ANKRD26: variants seen among roughly 807,000 people sequenced by gnomAD.
ANKRD26 encodes the protein ankyrin repeat domain 26.
In ANKRD26, 141 loss-of-function variants were observed where a neutral mutation model predicts 208.7. The ratio of observed to expected loss-of-function variants is 0.68; its 90% CI spans 0.59 to 0.78. The LOEUF (loss-of-function observed/expected upper bound fraction) is 0.78, where lower values mean the gene tolerates loss of function less well. Ranked by LOEUF, ANKRD26 falls within the 30% of genes least tolerant of loss-of-function variation. The pLI, the probability that ANKRD26 is intolerant of heterozygous loss-of-function variation, is 0.00. For missense variants in ANKRD26, 1,889 were observed against 1,938.7 expected (o/e 0.97, Z 0.48); for synonymous variants, 636 against 660.4 (o/e 0.96, Z 0.57).
At chr10:26,997,493 G>C (rs2052619128) in intron 4 of ANKRD26, among the ~76,000 whole-genome samples, 1 of 152,152 alleles carries the variant, frequency 6.6e-6, no homozygotes, top group Non-Finnish European at 1.5e-5. Flanking sequence ...TCAGCCTAAA[G>C]CAGTCCCGTT....
chr10:27,079,656 T>G (rs542426422), intron 6 of ANKRD26, among the ~76,000 whole-genome samples: 16 of 151,864 alleles, frequency 1.1e-4, no homozygotes, highest in Admixed American at 6.6e-4. Context: ...GAGTTCGAGA[T>G]CAGCCTGGCC....
At chr10:26,971,545 C>T (rs1227822169), downstream of ANKRD26, among the ~76,000 whole-genome samples, 1 of 151,570 alleles carries the variant, frequency 6.6e-6, no homozygotes, top group East Asian at 1.9e-4. Context: ...TGTGGTGGCA[C>T]ATGCCTGTAA....
chr10:27,024,134 G>A (rs1013232051), intron 28 of ANKRD26, among the ~76,000 whole-genome samples: 6 of 152,140 alleles, frequency 3.9e-5, no homozygotes, highest in Middle Eastern at 3.2e-3. Context: ...CACTACCAAA[G>A]AGAGAAAGAT....
At chr10:27,027,049 G>C (rs937296494) in intron 27 of ANKRD26, among the ~76,000 whole-genome samples, 1 of 152,146 alleles carries the variant, frequency 6.6e-6, no homozygotes, top group African/African-American at 2.4e-5. Context: ...GCCTCCCAAA[G>C]TGCTGGGCAT....
chr10:27,005,411 T>G lies in ANKRD26; in HGVS notation c.*179A>C. 1 of 1,341,056 alleles carries G rather than the reference T, an allele frequency of 7.5e-7. No individual in the cohort carries two copies. Among genetic ancestry groups the G allele is most frequent in the Non-Finnish European group, 9.5e-7 (1 of 1,047,898 alleles). The allele number at this position is 1,341,056 out of a possible 1,614,324, so 83.1% of individuals were successfully genotyped here. A position where few individuals can be genotyped will look rare whatever the true frequency, so the allele number is the denominator to read the frequency against. On this transcript the variant is annotated 3_prime_UTR_variant, in exon 34 of 34. Coordinates refer to ENST00000376087, the MANE Select transcript of ANKRD26 (RefSeq NM_014915.3). ...AAAACTCAATATTCCTGGTTTTCAT[T>G]GGCAAAATCCACTTAAAAGTTAAAG...
At chr10:26,984,449 T>C (rs1169602904) in intron 3 of ANKRD26, among the ~76,000 whole-genome samples, 1 of 152,186 alleles carries the variant, frequency 6.6e-6, no homozygotes, top group African/African-American at 2.4e-5. Context: ...CCCCTAATTG[T>C]GCAGCACATG....
Position 27,060,370 on chromosome 10 carries a change from C to T in ANKRD26, c.1539G>A (p.Met513Ile), listed in dbSNP as rs565311134. 5 of 1,612,626 alleles carry T rather than the reference C, an allele frequency of 3.1e-6. No homozygotes were observed. Among genetic ancestry groups the T allele is most frequent in the Non-Finnish European group, 4.2e-6 (5 of 1,178,926 alleles). Residue 513 changes from methionine to isoleucine, a missense_variant, in exon 15 of 34, where the codon ATG becomes ATA. Coordinates refer to ENST00000376087, the MANE Select transcript of ANKRD26 (RefSeq NM_014915.3). ...CTGCTTTGGATGTTTGTACATCCTT[C>T]ATTCCTCCTGCTTTATTTGGAACAG... ...KDSVPNKAGG[M>I]KDVQTSKAAE... is the part of the protein sequence containing the mutation.
Position 27,035,816 on chromosome 10 carries a change from G to A in ANKRD26, c.2698-64C>T, listed in dbSNP as rs867767486. On this transcript the variant is annotated intron_variant, in intron 23 of 33. Transcript: ENST00000376087. ...AAAATGACAGATCATGATTTCCTCTGAAATTAAAGAATAAACTGTACATTT... is the reference window on the plus strand; with the variant it reads ...AAAATGACAGATCATGATTTCCTCTAAAATTAAAGAATAAACTGTACATTT... The A allele has an allele frequency of 8.0e-6, 9 of 1,127,704 alleles. No homozygotes were observed. The South Asian group carries it at 1.0e-4, about 13-fold the overall frequency. 69.9% of individuals were successfully genotyped at this position (1,127,704 alleles called of 1,614,324 possible).
chr10:27,090,289 T>C (rs34111633), intron 4 of ANKRD26, among the ~76,000 whole-genome samples: 19,547 of 151,754 alleles, frequency 0.13, 1,399 homozygotes, highest in East Asian at 0.29. Context: ...CTACTAAAAA[T>C]ACAAAAATTA....
At chr10:27,037,119 T>G in intron 23 of ANKRD26, 67 bp downstream of exon 23, 1 of 1,523,876 alleles carries the variant, frequency 6.6e-7, no homozygotes, top group Middle Eastern at 1.9e-4. Context: ...AGTTGGTTTT[T>G]AAAATATATA....
In ANKRD26 at chr10:27,077,495, A is replaced by C; in HGVS notation, c.920T>G (p.Phe307Cys). The change falls in exon 9 of 34, where the codon TTT becomes TGT. Residue 307 changes from phenylalanine to cysteine, a missense_variant. Phe to Cys is a radical substitution (Grantham distance 205). This residue lies in a region of ANKRD26 where 1,272 missense variants were observed against 1,273.8 expected (regional missense o/e 1.00). Transcript: ENST00000376087. ...TTGACTATCGGAATCTCTATCCTCA[A>C]ACAAAGTTCTATTTCCTGTTCTCAC... ...GTVRTGNRTL[F>C]EDRDSDSQDE... is the part of the protein sequence containing the mutation. 1 of 1,613,972 alleles carries C rather than the reference A, an allele frequency of 6.2e-7. No individual in the cohort carries two copies. The highest frequency in any genetic ancestry group is 8.5e-7 in the Non-Finnish European group (1 of 1,179,976).
downstream of ANKRD26, among the ~76,000 whole-genome samples, chr10:26,988,469 G>A (rs1414213292): frequency 1.3e-5 from 2 of 152,082 alleles, no homozygotes; most frequent in Admixed American, 6.6e-5. Context: ...TAGAGCCTCA[G>A]GGAAAAATTG....
At chr10:26,972,036 C>CCA (rs1564324571), downstream of ANKRD26, among the ~76,000 whole-genome samples, 2 of 152,066 alleles carry the variant, frequency 1.3e-5, no homozygotes, top group African/African-American at 2.4e-5. Flanking sequence ...GAGATCGAGA[C>CCA]CATCCTGGCT....
chr10:27,076,555 G>A lies in ANKRD26; in HGVS notation c.1077+783C>T, dbSNP rs1011995139. Reference sequence around the variant, plus strand: ...GCTGGGATTACAGGTGTGAGCCACCGTGCCCAGTAGCTTTTTTTTAAAAGA... The same window carrying A: ...GCTGGGATTACAGGTGTGAGCCACCATGCCCAGTAGCTTTTTTTTAAAAGA... On this transcript the variant is annotated intron_variant, in intron 9 of 33. Coordinates refer to ENST00000376087, the MANE Select transcript of ANKRD26 (RefSeq NM_014915.3). 3.9e-5 allele frequency among the ~76,000 whole-genome samples: 6 copies of A among 151,960 alleles called. No homozygotes were observed. In the South Asian group the frequency reaches 6.2e-4, roughly 16 times the overall value.
At chr10:27,065,521 C>T (rs947477410) in intron 11 of ANKRD26, among the ~76,000 whole-genome samples, 10 of 152,050 alleles carry the variant, frequency 6.6e-5, no homozygotes, top group Non-Finnish European at 1.3e-4. Flanking sequence ...ACACTACTGC[C>T]TTCACGTTTA....
intron 6 of ANKRD26, chr10:27,081,035 G>T (rs1041487060): frequency 2.5e-6 from 2 of 811,374 alleles, no homozygotes; most frequent in Non-Finnish European, 3.0e-6. Flanking sequence ...CCACCGATAA[G>T]TTGAGGCAGA....
At chr10:27,046,937 G>C (rs1048961432) in intron 17 of ANKRD26, among the ~76,000 whole-genome samples, 4 of 151,980 alleles carry the variant, frequency 2.6e-5, no homozygotes, top group African/African-American at 9.7e-5. Flanking sequence ...AGAATAGAAG[G>C]TGAGCACAGA....
intron 1 of ANKRD26, among the ~76,000 whole-genome samples, chr10:27,095,579 G>T (rs2056442645): frequency 6.6e-6 from 1 of 152,182 alleles, no homozygotes; most frequent in African/African-American, 2.4e-5. Context: ...TGAGGCAGGA[G>T]AATCACTTGA....
intron 15 of ANKRD26, among the ~76,000 whole-genome samples, chr10:27,059,417 T>C (rs933372395): frequency 6.6e-6 from 1 of 152,196 alleles, no homozygotes; most frequent in Non-Finnish European, 1.5e-5. Flanking sequence ...TTCTAGGACA[T>C]GTAAACAAAT....
Sources: gnomAD v4.1 joint callset for allele counts (sites outside exome capture counted in the v4.1 genomes callset) on GRCh38, gnomAD v4.1.1 for gene constraint, gnomAD v4.1.1 regional missense constraint, MANE v1.5 for transcripts, NCBI Gene and HGNC (gene_info 2026-07-23, HGNC 2026-07-21) for gene names.